ADAMTSL3: variants seen among roughly 807,000 people sequenced by gnomAD.
ADAMTSL3 encodes ADAMTS like 3, also known as ADAMTS-like protein 3.
A neutral mutation model predicts 201.7 loss-of-function variants in ADAMTSL3; 128 were observed. The ratio of observed to expected loss-of-function variants is 0.63; its 90% confidence interval spans 0.55 to 0.73. The LOEUF (loss-of-function observed/expected upper bound fraction) is 0.73, where lower values mean the gene tolerates loss of function less well. ADAMTSL3 is among the 30% of genes least tolerant of loss of function. The pLI is 0.00. For synonymous variants in ADAMTSL3, 738 were observed against 748.4 expected, an observed-to-expected ratio of 0.99 and a Z score of 0.23; for missense variants, 1,990 against 2,119.6, an observed-to-expected ratio of 0.94 and a Z score of 1.20.
intron 16 of ADAMTSL3, among the ~76,000 whole-genome samples, chr15:83,914,869 G>T (rs201404793): frequency 1.3e-5 from 1 of 76,830 alleles, no homozygotes; most frequent in Admixed American, 1.6e-4. Flanking sequence ...TTGTTTGTTT[G>T]TTTGTTTTTT....
chr15:83,859,524 G>A (rs1476807442), intron 8 of ADAMTSL3, among the ~76,000 whole-genome samples: 2 of 152,242 alleles, frequency 1.3e-5, no homozygotes, highest in East Asian at 3.9e-4. Context: ...GTTTCTATAG[G>A]GAACCATACA....
chr15:83,917,417 G>GTGTGTGTA (rs9329362), intron 16 of ADAMTSL3, among the ~76,000 whole-genome samples: 42,493 of 146,372 alleles, frequency 0.29, 6,635 homozygotes, highest in Admixed American at 0.4. Context: ...TCCAAAGTGT[G>GTGTGTGTA]TGTATGTATG....
Position 84,010,607 on chromosome 15 carries a change from A to T in ADAMTSL3, c.3974-3935A>T, listed in dbSNP as rs2067991081. On this transcript the variant is annotated intron_variant, in intron 23 of 29. Coordinates refer to ENST00000286744, the MANE Select transcript of ADAMTSL3 (RefSeq NM_207517.3). ...TGCTATAAAAGAATTCTGGTCATAGAGAGTGAATAATGAGAGTGAATTAAA... is the reference window on the plus strand; with the variant it reads ...TGCTATAAAAGAATTCTGGTCATAGTGAGTGAATAATGAGAGTGAATTAAA... Among the ~76,000 whole-genome samples, 4 of 152,174 alleles carry T rather than the reference A, an allele frequency of 2.6e-5. No homozygotes were observed. In the South Asian group the frequency reaches 8.3e-4, roughly 31 times the overall value.
intron 19 of ADAMTSL3, among the ~76,000 whole-genome samples, chr15:83,958,164 T>C (rs553403672): frequency 1.7e-4 from 26 of 152,304 alleles, no homozygotes; most frequent in Middle Eastern, 3.4e-3. Context: ...GGAACACAGA[T>C]GTCACGAATA....
intron 3 of ADAMTSL3, chr15:83,739,913 G>A: frequency 1.7e-6 from 1 of 581,994 alleles, no homozygotes; most frequent in South Asian, 1.4e-5. Flanking sequence ...ACCAGTGGGA[G>A]AGAAGACGCA....
At chr15:83,753,714 C>A (rs2062674641) in intron 3 of ADAMTSL3, among the ~76,000 whole-genome samples, 1 of 151,024 alleles carries the variant, frequency 6.6e-6, no homozygotes, top group African/African-American at 2.4e-5. Context: ...AATATAAATG[C>A]TTTGATTATG....
intron 3 of ADAMTSL3, among the ~76,000 whole-genome samples, chr15:83,721,979 C>T (rs1376442272): frequency 6.6e-6 from 1 of 152,138 alleles, no homozygotes; most frequent in Non-Finnish European, 1.5e-5. Flanking sequence ...GATCCGTCTG[C>T]CTTGGCCTCT....
intron 8 of ADAMTSL3, among the ~76,000 whole-genome samples, chr15:83,867,196 C>T (rs2064996942): frequency 6.6e-6 from 1 of 152,146 alleles, no homozygotes; most frequent in Admixed American, 6.5e-5. Flanking sequence ...CAAAAGACTG[C>T]ATTACTAAGA....
Position 83,910,799 on chromosome 15 carries a change from T to TG in ADAMTSL3, c.1701-2293_1701-2292insG, listed in dbSNP as rs1342798168. Among the ~76,000 whole-genome samples the TG allele has an allele frequency of 2.4e-3, 350 of 148,598 alleles. 8 individuals are homozygous for TG. Among genetic ancestry groups the TG allele is most frequent in the Admixed American group, 4.4e-3 (66 of 14,884 alleles). On this transcript the variant is annotated intron_variant, in intron 15 of 29. Transcript: ENST00000286744. ...ACAGGCATGCACCACCATGACTGGC[T>TG]AATTTTTTTTTTTTTTTTTAAGTAG...
chr15:83,657,875 G>A lies in ADAMTSL3; in HGVS notation c.69+2045G>A, dbSNP rs944989859. Reference sequence around the variant, plus strand: ...GTAGGTCAGCCCTGTGTCCCTGTCCGTGGGTTGGATGCTCTGTTTTTTCCG... The same window carrying A: ...GTAGGTCAGCCCTGTGTCCCTGTCCATGGGTTGGATGCTCTGTTTTTTCCG... On this transcript the variant is annotated intron_variant, in intron 2 of 29. Coordinates refer to ENST00000286744, the MANE Select transcript of ADAMTSL3 (RefSeq NM_207517.3). Among the ~76,000 whole-genome samples the A allele has an allele frequency of 3.3e-5, 5 of 152,298 alleles. No homozygotes were observed. The East Asian group carries it at 7.7e-4, about 24-fold the overall frequency.
Position 83,891,371 on chromosome 15 carries a change from T to A in ADAMTSL3, c.1254T>A (p.Pro418=). 1 of 1,612,694 alleles carries A rather than the reference T, an allele frequency of 6.2e-7. No homozygotes were observed. The highest frequency in any genetic ancestry group is 8.5e-7 in the Non-Finnish European group (1 of 1,178,842). ...KEIMPYDHFQ[P]LPRWEHNPWT... is the part of the protein sequence containing the mutation. ...TAATGCCCTATGACCACTTCCAACC[T>A]CTTCCTCGGTGAGTTATATGTTTCC... The change falls in exon 12 of 30, where the codon CCT becomes CCA. Residue 418 remains proline (P), a synonymous_variant. Transcript: ENST00000286744.
At chr15:83,859,120 ATG>A (rs1373464878) in intron 8 of ADAMTSL3, among the ~76,000 whole-genome samples, 3 of 152,198 alleles carry the variant, frequency 2.0e-5, no homozygotes, top group Non-Finnish European at 4.4e-5. Flanking sequence ...GATGTGTTAC[ATG>A]TAAGGATTTT....
intron 3 of ADAMTSL3, among the ~76,000 whole-genome samples, chr15:83,771,132 A>G (rs909030620): frequency 8.6e-5 from 13 of 150,928 alleles, no homozygotes; most frequent in East Asian, 3.9e-4. Flanking sequence ...TTGTGGTGCT[A>G]TACTGTGTCC....
chr15:83,871,046 C>T, intron 9 of ADAMTSL3, 87 bp downstream of exon 9: 2 of 1,457,728 alleles, frequency 1.4e-6, no homozygotes, highest in Non-Finnish European at 1.9e-6. Flanking sequence ...AGCAAGAGGT[C>T]ATCAATCATT....
intron 15 of ADAMTSL3, among the ~76,000 whole-genome samples, chr15:83,904,436 C>T (rs1596382878): frequency 6.6e-6 from 1 of 152,106 alleles, no homozygotes. Flanking sequence ...AGAGGATGAA[C>T]GCAGCTGTAT....
At chr15:83,925,453 C>T (rs8028996) in intron 17 of ADAMTSL3, among the ~76,000 whole-genome samples, 3,932 of 152,230 alleles carry the variant, frequency 0.026, 169 homozygotes, top group African/African-American at 0.088. Flanking sequence ...AAGCAAGGCC[C>T]AGAAACAGCA....
In ADAMTSL3 at chr15:83,676,619, A is replaced by G. The variant is rs940873254; in HGVS notation, c.69+20789A>G. ...CGTGAACCCGGGAAGGGGAGCTTGCAGTGAGCGGAGATTGCACCGCTGCAC... is the reference window on the plus strand; with the variant it reads ...CGTGAACCCGGGAAGGGGAGCTTGCGGTGAGCGGAGATTGCACCGCTGCAC... On this transcript the variant is annotated intron_variant, in intron 2 of 29. Coordinates refer to ENST00000286744, the MANE Select transcript of ADAMTSL3 (RefSeq NM_207517.3). Among the ~76,000 whole-genome samples the G allele has an allele frequency of 2.6e-5, 4 of 152,238 alleles. No homozygotes were observed. In the East Asian group the frequency reaches 7.7e-4, roughly 29 times the overall value.
At chr15:83,827,301 A>G (rs2064045953) in intron 6 of ADAMTSL3, among the ~76,000 whole-genome samples, 1 of 152,168 alleles carries the variant, frequency 6.6e-6, no homozygotes, top group South Asian at 2.1e-4. Flanking sequence ...GGCTGTATAA[A>G]TGTCTTCTTT....
At chr15:83,895,737 A>AT (rs1355038057) in intron 13 of ADAMTSL3, among the ~76,000 whole-genome samples, 1 of 150,800 alleles carries the variant, frequency 6.6e-6, no homozygotes, top group Non-Finnish European at 1.5e-5. Flanking sequence ...TTTTGGGTGA[A>AT]TTTTTTTCTT....
Sources: gnomAD v4.1 joint callset for allele counts (sites outside exome capture counted in the v4.1 genomes callset) on GRCh38, gnomAD v4.1.1 for gene constraint, MANE v1.5 for transcripts, NCBI Gene and HGNC (gene_info 2026-07-23, HGNC 2026-07-21) for gene names.